Variants in ASCC3 observed in about 807,000 individuals in gnomAD.
ASCC3 encodes the protein activating signal cointegrator 1 complex subunit 3.
A neutral mutation model predicts 256.3 loss-of-function variants in ASCC3; 158 were observed. The observed-to-expected ratio is 0.62, with a 90% CI of 0.54 to 0.70. The LOEUF is 0.70. Ranked by LOEUF, ASCC3 falls within the 30% of genes least tolerant of loss-of-function variation. The probability of loss-of-function intolerance (pLI) is 0.00; values close to 1 mark genes in which losing one functional copy is unlikely to be tolerated. For missense variants in ASCC3, 2,259 were observed against 2,626.0 expected (o/e 0.86, Z 3.05); for synonymous variants, 948 against 883.4 (o/e 1.07, Z -1.30).
At position 100,638,972 on chromosome 6, in the gene ASCC3, T is replaced by C. The variant is rs1774981354; in HGVS notation, c.3902-151A>G. On this transcript the variant is annotated intron_variant, in intron 24 of 41. Coordinates refer to ENST00000369162, the MANE Select transcript of ASCC3 (RefSeq NM_006828.4). ...TTATATACCCATTACAGATCTGGCA[T>C]TTCAACAAATATGTCACGCAAGTAA... 2.0e-5 allele frequency: 14 copies of C among 697,656 alleles called. No individual in the cohort carries two copies. The South Asian group carries it at 2.2e-4, about 11-fold the overall frequency. The allele number at this position is 697,656 out of a possible 1,614,324, so 43.2% of individuals were successfully genotyped here. A position where few individuals can be genotyped will look rare whatever the true frequency, so the allele number is the denominator to read the frequency against.
At chr6:100,571,689 T>C (rs1466674142) in intron 36 of ASCC3, among the ~76,000 whole-genome samples, 3 of 152,214 alleles carry the variant, frequency 2.0e-5, no homozygotes, top group African/African-American at 7.2e-5. Context: ...AGTACCATTG[T>C]CCAAGGTCTA....
chr6:100,846,674 G>C (rs548807200), intron 4 of ASCC3, among the ~76,000 whole-genome samples: 18 of 152,250 alleles, frequency 1.2e-4, no homozygotes, highest in African/African-American at 4.1e-4. Context: ...CAGTGTTCAA[G>C]CCTGAAATAT....
chr6:100,868,160 C>A, intron 1 of ASCC3, 122 bp from the exon 2 acceptor site: 1 of 624,192 alleles, frequency 1.6e-6, no homozygotes, highest in Non-Finnish European at 2.8e-6. Flanking sequence ...TTGTTATCAA[C>A]GTTGAAAAAT....
At chr6:100,877,345 T>A (rs772327683) in intron 1 of ASCC3, among the ~76,000 whole-genome samples, 25 of 152,100 alleles carry the variant, frequency 1.6e-4, no homozygotes, top group Non-Finnish European at 3.7e-4. Flanking sequence ...AAGATTTCAG[T>A]ACTTAAAATA....
intron 4 of ASCC3, among the ~76,000 whole-genome samples, chr6:100,831,470 C>G (rs911461729): frequency 6.6e-6 from 1 of 152,150 alleles, no homozygotes; most frequent in Non-Finnish European, 1.5e-5. Context: ...CACTTCTGGA[C>G]AGCTAGGCCA....
intron 4 of ASCC3, among the ~76,000 whole-genome samples, chr6:100,825,270 GT>G (rs1439571699): frequency 8.0e-6 from 1 of 124,280 alleles, no homozygotes; most frequent in Non-Finnish European, 1.7e-5. Context: ...AGATTCTTTT[GT>G]GATTTTTTTT....
Position 100,800,449 on chromosome 6 carries a change from G to A in ASCC3, c.978C>T (p.Val326=). The change falls in exon 6 of 42, where the codon GTC becomes GTT. Residue 326 remains valine, a synonymous_variant. Coordinates refer to ENST00000369162, the MANE Select transcript of ASCC3 (RefSeq NM_006828.4). ...ENAKPNYGCQ[V]TIQSEQEKQL... ...GCTTTTCTTGTTCAGACTGAATAGTGACTTGACAACCATAATTGGGTTTAG... is the reference window on the plus strand; with the variant it reads ...GCTTTTCTTGTTCAGACTGAATAGTAACTTGACAACCATAATTGGGTTTAG... The A allele has an allele frequency of 6.2e-7, 1 of 1,612,258 alleles. No individual in the cohort carries two copies.
At chr6:100,716,708 C>T (rs1319757114) in intron 12 of ASCC3, among the ~76,000 whole-genome samples, 1 of 151,942 alleles carries the variant, frequency 6.6e-6, no homozygotes, top group Non-Finnish European at 1.5e-5. Context: ...ACACTCACAT[C>T]ATTCTCCCAT....
intron 36 of ASCC3, among the ~76,000 whole-genome samples, chr6:100,549,311 T>A (rs1301050417): frequency 1.3e-5 from 2 of 151,990 alleles, no homozygotes; most frequent in Admixed American, 1.3e-4. Flanking sequence ...GTCCCTTGTT[T>A]TTCTTGGTAA....
chr6:100,617,828 G>A (rs574750536), intron 30 of ASCC3, among the ~76,000 whole-genome samples: 18 of 152,092 alleles, frequency 1.2e-4, no homozygotes, highest in African/African-American at 1.7e-4. Flanking sequence ...ATCTCAGCTC[G>A]CACTAAGAGA....
intron 38 of ASCC3, among the ~76,000 whole-genome samples, chr6:100,517,648 CATTT>C (rs1337592945): frequency 6.6e-6 from 1 of 152,120 alleles, no homozygotes; most frequent in African/African-American, 2.4e-5. Context: ...AGACATTGAT[CATTT>C]ATTTTGCTTT....
At chr6:100,704,971 C>T (rs1778513706) in intron 13 of ASCC3, among the ~76,000 whole-genome samples, 1 of 151,990 alleles carries the variant, frequency 6.6e-6, no homozygotes, top group African/African-American at 2.4e-5. Flanking sequence ...ATTATTTTCC[C>T]ATTCTGCAAG....
chr6:100,532,398 ATATATATATTTTTT>A (rs1394447486), intron 37 of ASCC3, among the ~76,000 whole-genome samples: 4 of 46,396 alleles, frequency 8.6e-5, no homozygotes, highest in Non-Finnish European at 1.2e-4. Context: ...ATATATATAT[ATATATATATTTTTT>A]TTTTTTTTTT....
chr6:100,601,786 G>A, intron 34 of ASCC3, 24 bp downstream of exon 34: 1 of 1,610,818 alleles, frequency 6.2e-7, no homozygotes, highest in Non-Finnish European at 8.5e-7. Context: ...AAACAGAAAG[G>A]TATATAACTG....
In ASCC3 at chr6:100,799,437, A is replaced by G. The variant is rs756559992; in HGVS notation, c.1263T>C (p.Gly421=). 1.2e-6 allele frequency: 2 copies of G among 1,612,412 alleles called. No individual in the cohort carries two copies. The highest frequency in any genetic ancestry group is 3.3e-5 in the Admixed American group (2 of 59,924). ...TTATATAACAATGACATACCTTTGC[A>G]CCAGCAATAAATGCTGATGTTTTCA... The part of the protein sequence containing the change: ...EAMKTSAFIA[G]AKMILPEGIQ... Residue 421 remains glycine (G), a synonymous_variant, in exon 7 of 42, where the codon GGT becomes GGC. Coordinates refer to ENST00000369162, the MANE Select transcript of ASCC3 (RefSeq NM_006828.4).
At chr6:100,516,405 A>C in intron 38 of ASCC3, 78 bp from the exon 39 acceptor site, 1 of 1,529,028 alleles carries the variant, frequency 6.5e-7, no homozygotes, top group African/African-American at 1.4e-5. Flanking sequence ...GGTTTATATA[A>C]TTATAGCTTT....
intron 8 of ASCC3, among the ~76,000 whole-genome samples, chr6:100,786,430 A>G (rs2114282011): frequency 6.6e-6 from 1 of 152,308 alleles, no homozygotes; most frequent in African/African-American, 2.4e-5. Context: ...CAGTTTGGAA[A>G]GTTTAAACTC....
intron 13 of ASCC3, among the ~76,000 whole-genome samples, chr6:100,704,920 G>A (rs552605866): frequency 6.6e-6 from 1 of 152,140 alleles, no homozygotes; most frequent in African/African-American, 2.4e-5. Flanking sequence ...CTGTAACAAA[G>A]TTTGTATAAC....
intron 36 of ASCC3, among the ~76,000 whole-genome samples, chr6:100,551,779 C>G (rs1453097293): frequency 3.9e-5 from 6 of 152,050 alleles, no homozygotes; most frequent in Admixed American, 3.9e-4. Flanking sequence ...TTATAATTAA[C>G]AGGTCTAATC....
Sources: allele counts gnomAD v4.1 joint callset (sites outside exome capture counted in the v4.1 genomes callset), GRCh38; gene constraint gnomAD v4.1.1; transcripts MANE v1.5; gene names NCBI Gene and HGNC (gene_info 2026-07-23, HGNC 2026-07-21).